PPFIA2: variants seen among roughly 807,000 people sequenced by gnomAD.
PPFIA2 encodes the protein PPFI scaffold protein A2, also known as liprin-alpha-2.
In PPFIA2, 46 loss-of-function variants were observed where a neutral mutation model predicts 175.5. The observed-to-expected ratio is 0.26, with a 90% CI of 0.21 to 0.34. The LOEUF is 0.34. Ranked by LOEUF, PPFIA2 falls within the 10% of genes least tolerant of loss-of-function variation. PPFIA2 has a pLI of 1.00. For missense variants in PPFIA2, 1,179 were observed against 1,506.1 expected, an observed-to-expected ratio of 0.78 and a Z score of 3.60; for synonymous variants, 568 against 511.4, an observed-to-expected ratio of 1.11 and a Z score of -1.49.
chr12:81,567,104 T>A (rs2071490141), intron 4 of PPFIA2, among the ~76,000 whole-genome samples: 1 of 152,236 alleles, frequency 6.6e-6, no homozygotes, highest in Non-Finnish European at 1.5e-5. Flanking sequence ...TAGAGTGCAG[T>A]GGCGCAATCT....
chr12:81,674,438 C>A (rs1354282340), intron 4 of PPFIA2, among the ~76,000 whole-genome samples: 1 of 152,020 alleles, frequency 6.6e-6, no homozygotes, highest in Non-Finnish European at 1.5e-5. Flanking sequence ...GAGGCCAAGG[C>A]AGGCAGATCA....
Position 81,277,353 on chromosome 12 carries a change from C to G in PPFIA2, c.3274G>C (p.Glu1092Gln), listed in dbSNP as rs771546849. The G allele has an allele frequency of 8.3e-6, 13 of 1,571,736 alleles. No individual in the cohort carries two copies. Among genetic ancestry groups the G allele is most frequent in the Non-Finnish European group, 1.0e-5 (12 of 1,157,876 alleles). ...TGTTGGCTTGCTTCCCGTCTTCTTT[C>G]TAGTTCTTTTCTGTCATAATTCAAC... ...KRLNYDRKEL[E>Q]RRREASQHEI... Residue 1092 changes from glutamate (E) to glutamine (Q), a missense_variant, in exon 28 of 33, where the codon GAA becomes CAA. Coordinates refer to ENST00000549396, the MANE Select transcript of PPFIA2 (RefSeq NM_003625.5).
intron 4 of PPFIA2, among the ~76,000 whole-genome samples, chr12:81,550,125 A>C (rs1227798505): frequency 6.6e-6 from 1 of 151,972 alleles, no homozygotes; most frequent in Admixed American, 6.6e-5. Flanking sequence ...ACTTAGAGTA[A>C]ATGACAAAAA....
chr12:81,282,503 A>T (rs2042299439), intron 26 of PPFIA2, among the ~76,000 whole-genome samples: 1 of 152,096 alleles, frequency 6.6e-6, no homozygotes, highest in Non-Finnish European at 1.5e-5. Context: ...CTTCCTTGCA[A>T]AAGTATATGT....
At chr12:81,419,926 C>T (rs1407546559) in intron 7 of PPFIA2, among the ~76,000 whole-genome samples, 1 of 152,112 alleles carries the variant, frequency 6.6e-6, no homozygotes, top group African/African-American at 2.4e-5. Context: ...ACAACTTCTC[C>T]TGTGGGTGAA....
At chr12:81,701,869 A>T (rs925283506) in intron 3 of PPFIA2, among the ~76,000 whole-genome samples, 2 of 149,920 alleles carry the variant, frequency 1.3e-5, no homozygotes, top group Non-Finnish European at 3.0e-5. Context: ...TCTTTGTCTC[A>T]TTTAAATCAA....
rs879440821 is a variant in PPFIA2 at position 81,749,118 on chromosome 12, G to A, written c.249+4855C>T. Among the ~76,000 whole-genome samples, 13 of 144,300 alleles carry A rather than the reference G, an allele frequency of 9.0e-5. 3 individuals carry two copies. The highest frequency in any genetic ancestry group is 2.0e-4 in the Non-Finnish European group (13 of 64,342). 94.7% of individuals were successfully genotyped at this position (144,300 alleles called of 152,430 possible). On this transcript the variant is annotated intron_variant, in intron 3 of 32. Coordinates refer to ENST00000549396, the MANE Select transcript of PPFIA2 (RefSeq NM_003625.5). ...ATTTTGGTTTCCCATATGTCCTTCAGCAAAGTTCTATCTGCACAACTTTCC... is the reference window on the plus strand; with the variant it reads ...ATTTTGGTTTCCCATATGTCCTTCAACAAAGTTCTATCTGCACAACTTTCC...
intron 7 of PPFIA2, among the ~76,000 whole-genome samples, chr12:81,406,760 T>G (rs2043008478): frequency 6.6e-6 from 1 of 152,158 alleles, no homozygotes; most frequent in Non-Finnish European, 1.5e-5. Context: ...TATTATCAAC[T>G]CAGATAGTAG....
intron 16 of PPFIA2, among the ~76,000 whole-genome samples, chr12:81,356,817 A>G (rs1407895684): frequency 2.0e-5 from 3 of 152,186 alleles, no homozygotes; most frequent in African/African-American, 7.2e-5. Flanking sequence ...AAACAAACAA[A>G]CATAATGCTT....
Position 81,446,824 on chromosome 12 carries a change from T to G in PPFIA2, c.406-1104A>C, listed in dbSNP as rs576169707. Among the ~76,000 whole-genome samples, 395 of 152,376 alleles carry G rather than the reference T, an allele frequency of 2.6e-3. 1 individual carries two copies. Among genetic ancestry groups the G allele is most frequent in the African/African-American group, 9.2e-3 (381 of 41,596 alleles). ...TGTAATGAAAAATTTTGGTTTTCAC[T>G]ATACCACTGTTAGATTCATTGTCAA... On this transcript the variant is annotated intron_variant, in intron 5 of 32. Transcript: ENST00000549396.
At chr12:81,337,110 A>G (rs923180231) in intron 21 of PPFIA2, among the ~76,000 whole-genome samples, 11 of 152,136 alleles carry the variant, frequency 7.2e-5, no homozygotes, top group African/African-American at 2.4e-4. Flanking sequence ...GAACCTGTTT[A>G]GACCTATGTT....
At chr12:81,634,786 A>G (rs1157526477) in intron 4 of PPFIA2, among the ~76,000 whole-genome samples, 1 of 152,008 alleles carries the variant, frequency 6.6e-6, no homozygotes, top group Non-Finnish European at 1.5e-5. Context: ...TTATTTACCC[A>G]CATTTTCACC....
At chr12:81,496,604 TC>T (rs1370853142) in intron 4 of PPFIA2, among the ~76,000 whole-genome samples, 1 of 152,086 alleles carries the variant, frequency 6.6e-6, no homozygotes, top group African/African-American at 2.4e-5. Flanking sequence ...CAATCATAAA[TC>T]CACGTGAATG....
rs191844234 is a variant in PPFIA2 at position 81,276,326 on chromosome 12, A to G, written c.3310+991T>C. Among the ~76,000 whole-genome samples the G allele has an allele frequency of 9.8e-4, 150 of 152,304 alleles. 1 individual carries two copies. The highest frequency in any genetic ancestry group is 3.5e-3 in the African/African-American group (144 of 41,562). ...AAATTACTTAATGGGTACAATGTACATCATTCAGGGGATGGGTACACTAAA... is the reference window on the plus strand; with the variant it reads ...AAATTACTTAATGGGTACAATGTACGTCATTCAGGGGATGGGTACACTAAA... On this transcript the variant is annotated intron_variant, in intron 28 of 32. Transcript: ENST00000549396.
chr12:81,617,273 C>G (rs2061502015), intron 4 of PPFIA2, among the ~76,000 whole-genome samples: 1 of 152,092 alleles, frequency 6.6e-6, no homozygotes, highest in Admixed American at 6.5e-5. Flanking sequence ...TTCTCTTGTC[C>G]AAAATTATCT....
chr12:81,308,618 T>C (rs2049950449), intron 22 of PPFIA2, among the ~76,000 whole-genome samples: 1 of 152,224 alleles, frequency 6.6e-6, no homozygotes, highest in Non-Finnish European at 1.5e-5. Context: ...CTTTTCTTTC[T>C]TTTCCTATGG....
At chr12:81,275,507 TAAG>T (rs1457829927) in intron 28 of PPFIA2, among the ~76,000 whole-genome samples, 1 of 152,132 alleles carries the variant, frequency 6.6e-6, no homozygotes, top group Non-Finnish European at 1.5e-5. Flanking sequence ...AAAAAAATCT[TAAG>T]AATAAAACAG....
intron 22 of PPFIA2, among the ~76,000 whole-genome samples, chr12:81,299,728 G>A (rs1037559158): frequency 1.3e-5 from 2 of 152,078 alleles, no homozygotes; most frequent in African/African-American, 4.8e-5. Context: ...ATGCATTATG[G>A]GATCTAAATG....
chr12:81,385,946 G>A (rs933083866), intron 8 of PPFIA2, among the ~76,000 whole-genome samples: 3 of 151,952 alleles, frequency 2.0e-5, no homozygotes, highest in African/African-American at 7.3e-5. Flanking sequence ...ACATTACATT[G>A]TAACTCACGA....
Sources: gnomAD v4.1 joint callset for allele counts (sites outside exome capture counted in the v4.1 genomes callset) on GRCh38, gnomAD v4.1.1 for gene constraint, MANE v1.5 for transcripts, NCBI Gene and HGNC (gene_info 2026-07-23, HGNC 2026-07-21) for gene names.